CDH12: variants seen among roughly 807,000 people sequenced by gnomAD.
CDH12 encodes cadherin-12.
CDH12 carries 41 observed loss-of-function variants against 74.1 expected under a neutral mutation model. The observed-to-expected ratio is 0.55, with a 90% CI of 0.43 to 0.72. The LOEUF is 0.72. Among genes scored for constraint, CDH12 ranks in the 30% least tolerant of loss-of-function variants. The pLI is 0.00. For missense variants in CDH12, 945 were observed against 977.2 expected, an observed-to-expected ratio of 0.97 and a Z score of 0.44; for synonymous variants, 399 against 355.0, an observed-to-expected ratio of 1.12 and a Z score of -1.39.
At chr5:22,286,700 C>CTTTTTTT (rs1737150258) in intron 3 of CDH12, among the ~76,000 whole-genome samples, 1 of 146,382 alleles carries the variant, frequency 6.8e-6, no homozygotes. Context: ...TTTAACTTCA[C>CTTTTTTT]TTAGACCAAG....
chr5:21,918,730 T>C (rs1193659554), intron 6 of CDH12, among the ~76,000 whole-genome samples: 2 of 152,126 alleles, frequency 1.3e-5, no homozygotes, highest in East Asian at 1.9e-4. Flanking sequence ...ATTATGGAGA[T>C]TATAATTCAA....
intron 4 of CDH12, among the ~76,000 whole-genome samples, chr5:22,181,336 T>G (rs1749633754): frequency 6.6e-6 from 1 of 152,168 alleles, no homozygotes; most frequent in Admixed American, 6.5e-5. Flanking sequence ...CCCTCTCCTT[T>G]ATCACATAGA....
chr5:22,533,943 T>A (rs1580741260), intron 1 of CDH12, among the ~76,000 whole-genome samples: 1 of 152,176 alleles, frequency 6.6e-6, no homozygotes, highest in Non-Finnish European at 1.5e-5. Flanking sequence ...TATGAAACTT[T>A]CCTAGAGCTA....
At chr5:22,253,444 C>T (rs1352176210) in intron 3 of CDH12, among the ~76,000 whole-genome samples, 1 of 151,930 alleles carries the variant, frequency 6.6e-6, no homozygotes, top group Non-Finnish European at 1.5e-5. Flanking sequence ...ACAGATGTAG[C>T]TTATTGAAAT....
chr5:22,792,931 C>G (rs1344075512), intron 1 of CDH12, among the ~76,000 whole-genome samples: 2 of 152,136 alleles, frequency 1.3e-5, no homozygotes, highest in African/African-American at 4.8e-5. Flanking sequence ...GTGTGAGGTA[C>G]CTCCTAGGTC....
intron 4 of CDH12, among the ~76,000 whole-genome samples, chr5:22,095,133 C>T (rs1346274793): frequency 2.6e-5 from 4 of 152,132 alleles, no homozygotes; most frequent in African/African-American, 9.7e-5. Context: ...GCTCTTTGCT[C>T]CATGAAAAAG....
At chr5:22,729,631 T>C (rs1744332604) in intron 1 of CDH12, among the ~76,000 whole-genome samples, 1 of 151,872 alleles carries the variant, frequency 6.6e-6, no homozygotes, top group African/African-American at 2.4e-5. Flanking sequence ...ATTTTTTCAG[T>C]TTTTTGGTGT....
chr5:21,891,427 T>C (rs995749526), intron 6 of CDH12, among the ~76,000 whole-genome samples: 28 of 152,108 alleles, frequency 1.8e-4, no homozygotes, highest in African/African-American at 6.8e-4. Flanking sequence ...CTCATTTTGC[T>C]TTCCATTACA....
intron 1 of CDH12, among the ~76,000 whole-genome samples, chr5:22,811,607 T>C (rs755444700): frequency 6.6e-6 from 1 of 152,126 alleles, no homozygotes; most frequent in Non-Finnish European, 1.5e-5. Context: ...CAAAAGAAAA[T>C]GCTTTCACTG....
At position 22,560,583 on chromosome 5, in the gene CDH12, A is replaced by T. The variant is rs1162151397; in HGVS notation, c.-522-55219T>A. On this transcript the variant is annotated intron_variant, in intron 1 of 14. Transcript: ENST00000382254. ...TGCAATTTTTCAATTACCTAAGAAG[A>T]TATTTAAATTTTTAAATATTTGCAA... 2.0e-5 allele frequency among the ~76,000 whole-genome samples: 3 copies of T among 152,136 alleles called. No individual in the cohort carries two copies. In the East Asian group the frequency reaches 5.8e-4, roughly 29 times the overall value.
intron 1 of CDH12, among the ~76,000 whole-genome samples, chr5:22,659,490 G>T (rs944167476): frequency 6.6e-6 from 1 of 151,980 alleles, no homozygotes; most frequent in East Asian, 1.9e-4. Context: ...TACATTATAT[G>T]AATCACTCAG....
Position 21,870,441 on chromosome 5 carries a change from G to T in CDH12, c.527-15651C>A, listed in dbSNP as rs1751560662. 2.0e-5 allele frequency among the ~76,000 whole-genome samples: 3 copies of T among 152,240 alleles called. No individual in the cohort carries two copies. The South Asian group carries it at 6.2e-4, about 32-fold the overall frequency. ...AAAAAAGTGATTTCCACATGAGTGT[G>T]CATTCTTGCTGTTTCACCTTCCACC... On this transcript the variant is annotated intron_variant, in intron 6 of 14. Coordinates refer to ENST00000382254, the MANE Select transcript of CDH12 (RefSeq NM_004061.5).
intron 1 of CDH12, chr5:22,580,136 T>G: frequency 3.8e-6 from 1 of 260,756 alleles, no homozygotes. Flanking sequence ...TCATACCATT[T>G]TCCTGATGCT....
At chr5:21,924,622 A>G (rs561052820) in intron 6 of CDH12, among the ~76,000 whole-genome samples, 15 of 152,332 alleles carry the variant, frequency 9.8e-5, no homozygotes, top group African/African-American at 3.4e-4. Flanking sequence ...CAAAACTTAC[A>G]CTGGTGAAAT....
In CDH12 at chr5:22,302,809, A is replaced by T. The variant is rs1018083205; in HGVS notation, c.-332-90166T>A. On this transcript the variant is annotated intron_variant, in intron 3 of 14. Coordinates refer to ENST00000382254, the MANE Select transcript of CDH12 (RefSeq NM_004061.5). Reference sequence around the variant, plus strand: ...GAGAATAATTCTTTAAAAATAAGAAATCATCATGAATGTTAAGTGCACTAG... The same window carrying T: ...GAGAATAATTCTTTAAAAATAAGAATTCATCATGAATGTTAAGTGCACTAG... Among the ~76,000 whole-genome samples the T allele has an allele frequency of 2.0e-5, 3 of 152,144 alleles. No homozygotes were observed. In the East Asian group the frequency reaches 5.8e-4, roughly 29 times the overall value.
chr5:21,793,505 C>T (rs1746617422), intron 10 of CDH12, among the ~76,000 whole-genome samples: 1 of 151,390 alleles, frequency 6.6e-6, no homozygotes, highest in Non-Finnish European at 1.5e-5. Context: ...TTCTGAAGTC[C>T]TTTTGAGAGA....
chr5:22,760,521 A>C (rs1173595353), intron 1 of CDH12, among the ~76,000 whole-genome samples: 1 of 151,972 alleles, frequency 6.6e-6, no homozygotes, highest in Admixed American at 6.6e-5. Context: ...GTTACTAAAA[A>C]TACAAAAATT....
intron 1 of CDH12, among the ~76,000 whole-genome samples, chr5:22,626,145 C>A (rs374141662): frequency 6.6e-5 from 10 of 152,190 alleles, no homozygotes; most frequent in South Asian, 4.1e-4. Flanking sequence ...CCTACCCCCC[C>A]CAACATGTGG....
intron 3 of CDH12, among the ~76,000 whole-genome samples, chr5:22,353,189 G>T (rs1168486948): frequency 1.3e-5 from 2 of 152,100 alleles, no homozygotes; most frequent in Non-Finnish European, 2.9e-5. Flanking sequence ...GCCCATTCTA[G>T]AAAAACAAAA....
Sources: allele counts gnomAD v4.1 joint callset (sites outside exome capture counted in the v4.1 genomes callset), GRCh38; gene constraint gnomAD v4.1.1; transcripts MANE v1.5; gene names NCBI Gene and HGNC (gene_info 2026-07-23, HGNC 2026-07-21).